The following GRID2 variants were observed in gnomAD, a reference collection of about 807,000 sequenced individuals.
The protein encoded by GRID2 is glutamate ionotropic receptor delta type subunit 2.
GRID2 carries 33 observed loss-of-function variants against 114.8 expected under a neutral mutation model. That is an observed-to-expected ratio of 0.29 (90% CI 0.22 to 0.38). The LOEUF (loss-of-function observed/expected upper bound fraction) is 0.38. Ranked by LOEUF, GRID2 falls within the 10% of genes least tolerant of loss-of-function variation. GRID2 has a pLI of 1.00. For missense variants in GRID2, 1,184 were observed against 1,257.7 expected, an observed-to-expected ratio of 0.94 and a Z score of 0.89; for synonymous variants, 505 against 449.9, an observed-to-expected ratio of 1.12 and a Z score of -1.55.
intron 8 of GRID2, among the ~76,000 whole-genome samples, chr4:93,378,789 G>T (rs1314981309): frequency 6.6e-6 from 1 of 151,968 alleles, no homozygotes; most frequent in East Asian, 1.9e-4. Context: ...TTGTGCATCT[G>T]GTGCTCTATT....
At chr4:92,842,818 G>A (rs979510184) in intron 2 of GRID2, among the ~76,000 whole-genome samples, 1 of 152,120 alleles carries the variant, frequency 6.6e-6, no homozygotes, top group South Asian at 2.1e-4. Context: ...AGATCATTTA[G>A]ATATGAGTAT....
intron 2 of GRID2, among the ~76,000 whole-genome samples, chr4:93,005,553 A>G (rs1295956746): frequency 6.6e-6 from 1 of 152,096 alleles, no homozygotes; most frequent in Non-Finnish European, 1.5e-5. Context: ...ATAGAAACTT[A>G]TACTCAAAAT....
At chr4:93,650,021 C>A (rs1028361620) in intron 14 of GRID2, among the ~76,000 whole-genome samples, 1 of 152,156 alleles carries the variant, frequency 6.6e-6, no homozygotes, top group African/African-American at 2.4e-5. Context: ...CCCAGCCCCC[C>A]ATCTGCATTC....
intron 2 of GRID2, among the ~76,000 whole-genome samples, chr4:92,806,132 A>G (rs1740397263): frequency 6.6e-6 from 1 of 151,146 alleles, no homozygotes. Flanking sequence ...TCTTTGCTAT[A>G]AACTATGTCA....
rs34912004 is a variant in GRID2, at chr4:92,489,844, T to TAA, written c.89-100270_89-100269dup. 7.2e-3 allele frequency among the ~76,000 whole-genome samples: 951 copies of TAA among 132,652 alleles called. 14 individuals carry two copies. Among genetic ancestry groups the TAA allele is most frequent in the African/African-American group, 0.025 (893 of 35,924 alleles). The allele number at this position is 132,652 out of a possible 152,430, so 87.0% of individuals were successfully genotyped here. ...CTGGGCGATAGAGCGAGACTCCATT[T>TAA]AAAAAAAAAAAAAAAAAAGTAAATG... On this transcript the variant is annotated intron_variant, in intron 1 of 15. Transcript: ENST00000282020.
At position 93,151,437 on chromosome 4, in the gene GRID2, A is replaced by G. The variant is rs1343297699; in HGVS notation, c.735+40484A>G. ...TTTAACTTTAATCTCATCTCCTTCA[A>G]CAGGCTCAAACTTCAAACCAGCAAT... On this transcript the variant is annotated intron_variant, in intron 4 of 15. Transcript: ENST00000282020. Among the ~76,000 whole-genome samples, 3 of 150,602 alleles carry G rather than the reference A, an allele frequency of 2.0e-5. No individual in the cohort carries two copies. In the Admixed American group the frequency reaches 2.0e-4, roughly 10 times the overall value.
chr4:92,675,798 C>A (rs1004454182), intron 2 of GRID2, among the ~76,000 whole-genome samples: 1 of 152,058 alleles, frequency 6.6e-6, no homozygotes, highest in Non-Finnish European at 1.5e-5. Context: ...TCGTGATCCA[C>A]CCGCCTCAGC....
At chr4:93,023,738 G>T (rs749945237) in intron 2 of GRID2, among the ~76,000 whole-genome samples, 6 of 151,650 alleles carry the variant, frequency 4.0e-5, no homozygotes, top group Non-Finnish European at 1.5e-5. Context: ...CTAAAAACAC[G>T]TCGGAATATG....
chr4:92,836,113 AT>A (rs1742439038), intron 2 of GRID2, among the ~76,000 whole-genome samples: 1 of 152,078 alleles, frequency 6.6e-6, no homozygotes, highest in South Asian at 2.1e-4. Flanking sequence ...ACTGCCATTT[AT>A]TTTTGTATCA....
intron 13 of GRID2, among the ~76,000 whole-genome samples, chr4:93,615,971 G>C (rs1392739685): frequency 2.6e-5 from 4 of 151,962 alleles, no homozygotes; most frequent in African/African-American, 9.7e-5. Flanking sequence ...ATTAGAGAAG[G>C]ACATTTCTTC....
At chr4:92,477,039 ATGTGTGTGTGTGTGTGTG>A (rs70940894) in intron 1 of GRID2, among the ~76,000 whole-genome samples, 17,723 of 119,524 alleles carry the variant, frequency 0.15, 1,273 homozygotes, top group Middle Eastern at 0.27. Context: ...ATTTAACTTC[ATGTGTGTGTGTGTGTGTG>A]TGTGTGTGTG....
chr4:93,673,247 C>G (rs11932217), intron 14 of GRID2, among the ~76,000 whole-genome samples: 4,664 of 152,174 alleles, frequency 0.031, 112 homozygotes, highest in African/African-American at 0.062. Flanking sequence ...TCACTGCTTC[C>G]CTAAATCAGG....
At chr4:92,664,319 T>C (rs1337973002) in intron 2 of GRID2, among the ~76,000 whole-genome samples, 1 of 151,176 alleles carries the variant, frequency 6.6e-6, no homozygotes, top group Non-Finnish European at 1.5e-5. Flanking sequence ...GTTTCCCTTA[T>C]TTCTCTTTCG....
intron 2 of GRID2, among the ~76,000 whole-genome samples, chr4:92,715,632 G>A (rs966037672): frequency 7.9e-5 from 12 of 152,276 alleles, no homozygotes; most frequent in South Asian, 6.2e-4. Context: ...TACATCTCAC[G>A]TGGTGGCAGA....
intron 2 of GRID2, among the ~76,000 whole-genome samples, chr4:92,782,778 A>G (rs922367730): frequency 6.6e-6 from 1 of 152,036 alleles, no homozygotes; most frequent in Non-Finnish European, 1.5e-5. Context: ...GGAGGGTCGA[A>G]GGTGAGATTG....
At chr4:92,923,111 A>G (rs539260032) in intron 2 of GRID2, among the ~76,000 whole-genome samples, 1 of 152,242 alleles carries the variant, frequency 6.6e-6, no homozygotes, top group Non-Finnish European at 1.5e-5. Flanking sequence ...TCATTTAAAC[A>G]TAATTTTCAT....
chr4:92,455,034 C>A (rs1321240027), intron 1 of GRID2, among the ~76,000 whole-genome samples: 2 of 152,122 alleles, frequency 1.3e-5, no homozygotes, highest in Non-Finnish European at 2.9e-5. Context: ...TGTTTTACAA[C>A]TTCATGATTA....
At chr4:92,343,272 A>G (rs1374031488) in intron 1 of GRID2, among the ~76,000 whole-genome samples, 2 of 151,600 alleles carry the variant, frequency 1.3e-5, no homozygotes, top group African/African-American at 2.4e-5. Context: ...ATCAACATAT[A>G]TATGTTTGTA....
chr4:92,573,751 G>T (rs150266110), intron 1 of GRID2, among the ~76,000 whole-genome samples: 135 of 152,126 alleles, frequency 8.9e-4, no homozygotes, highest in Non-Finnish European at 1.6e-3. Context: ...TGATTTTAGA[G>T]TAAGTGACAT....
Sources: gnomAD v4.1 joint callset for allele counts (sites outside exome capture counted in the v4.1 genomes callset) on GRCh38, gnomAD v4.1.1 for gene constraint, MANE v1.5 for transcripts, NCBI Gene and HGNC (gene_info 2026-07-23, HGNC 2026-07-21) for gene names.